Variants in SGPP2 observed in about 807,000 individuals in gnomAD.
SGPP2 encodes sphingosine-1-phosphate phosphatase 2, also known as sphingosine 1-phosphate phosphohydrolase 2.
SGPP2 carries 30 observed loss-of-function variants against 33.9 expected under a neutral mutation model. The observed-to-expected ratio is 0.89, with a 90% CI of 0.66 to 1.20. The LOEUF (loss-of-function observed/expected upper bound fraction) is 1.20. Among genes scored for constraint, SGPP2 ranks in the 50% most tolerant of loss-of-function variants. SGPP2 has a pLI of 0.00. For missense variants in SGPP2, 458 were observed against 532.1 expected, an observed-to-expected ratio of 0.86 and a Z score of 1.37; for synonymous variants, 233 against 225.0, an observed-to-expected ratio of 1.04 and a Z score of -0.32.
chr2:222,472,823 T>C (rs1697866306), intron 1 of SGPP2, among the ~76,000 whole-genome samples: 2 of 152,194 alleles, frequency 1.3e-5, no homozygotes. Flanking sequence ...GACATAAACC[T>C]GGCCAACTTG....
chr2:222,520,737 A>C (rs6758357), intron 2 of SGPP2, among the ~76,000 whole-genome samples: 14,394 of 140,308 alleles, frequency 0.1, 1,886 homozygotes, highest in African/African-American at 0.3. Flanking sequence ...AAAAAAAAAA[A>C]AAAAAAAACC....
At position 222,476,254 on chromosome 2, in the gene SGPP2, G is replaced by A. The variant is rs971743797; in HGVS notation, c.378+1528G>A. Among the ~76,000 whole-genome samples the A allele has an allele frequency of 1.8e-4, 27 of 152,072 alleles. No individual in the cohort carries two copies. The highest frequency in any genetic ancestry group is 6.0e-4 in the African/African-American group (25 of 41,392). On this transcript the variant is annotated intron_variant, in intron 2 of 4. Transcript: ENST00000321276. This position sits in a 1 kb window ranked among gnomAD's most constrained non-coding sequence, Gnocchi z 4.3. ...GGACTTGATCAGGGGTCATAAATTC[G>A]AATGTTCTCAGGGGCAGGGGACAGA...
rs1698688360 is a variant in SGPP2, at chr2:222,521,757, G to A, written c.379-10G>A. ...TTGATTAGACTTACCTCAGTCCTTT[G>A]GTTTTGCAGTTGGTGATGTATATTG... On this transcript the variant is annotated splice_polypyrimidine_tract_variant and intron_variant, in intron 2 of 4. Coordinates refer to ENST00000321276, the MANE Select transcript of SGPP2 (RefSeq NM_152386.4). 1 of 1,595,394 alleles carries A rather than the reference G, an allele frequency of 6.3e-7. No individual in the cohort carries two copies. Among genetic ancestry groups the A allele is most frequent in the Non-Finnish European group, 8.5e-7 (1 of 1,173,132 alleles).
intron 4 of SGPP2, among the ~76,000 whole-genome samples, chr2:222,528,584 T>A (rs1253408679): frequency 2.0e-5 from 3 of 152,070 alleles, no homozygotes; most frequent in African/African-American, 7.2e-5. Flanking sequence ...CGTAGGGTGG[T>A]CATTGCTGAA....
intron 1 of SGPP2, among the ~76,000 whole-genome samples, chr2:222,430,226 G>C (rs1482917779): frequency 6.6e-6 from 1 of 152,142 alleles, no homozygotes; most frequent in African/African-American, 2.4e-5. Flanking sequence ...GGCAAAAATG[G>C]GAGAAGCTCT....
chr2:222,445,133 A>T (rs1697380127), intron 1 of SGPP2, among the ~76,000 whole-genome samples: 1 of 152,162 alleles, frequency 6.6e-6, no homozygotes, highest in African/African-American at 2.4e-5. Flanking sequence ...TGTAAGGTGA[A>T]GATAGTAACT....
intron 2 of SGPP2, among the ~76,000 whole-genome samples, chr2:222,509,398 T>C (rs1698491727): frequency 6.6e-6 from 1 of 152,110 alleles, no homozygotes; most frequent in African/African-American, 2.4e-5. Flanking sequence ...CATATAATGA[T>C]ATACTAATTT....
intron 1 of SGPP2, 83 bp downstream of exon 1, chr2:222,424,904 C>T (rs1697037616): frequency 3.5e-6 from 4 of 1,146,052 alleles, no homozygotes; most frequent in Admixed American, 4.3e-5. Flanking sequence ...CACGCGGGGC[C>T]GGCCGGGCCG....
At chr2:222,542,319 A>C (rs922664722) in intron 4 of SGPP2, among the ~76,000 whole-genome samples, 2 of 152,120 alleles carry the variant, frequency 1.3e-5, no homozygotes, top group African/African-American at 4.8e-5. Flanking sequence ...TCTGCTATTG[A>C]TGCATATTTG....
At chr2:222,554,825 T>C (rs1316049937) in intron 4 of SGPP2, among the ~76,000 whole-genome samples, 1 of 152,182 alleles carries the variant, frequency 6.6e-6, no homozygotes, top group African/African-American at 2.4e-5. Context: ...AGCTTTTTAG[T>C]TTTTCTTTAC....
chr2:222,535,090 C>T (rs543606877), intron 4 of SGPP2, among the ~76,000 whole-genome samples: 7 of 135,050 alleles, frequency 5.2e-5, no homozygotes, highest in African/African-American at 2.0e-4. Flanking sequence ...CGCAGTGGCT[C>T]AAGCCTTTGG....
At chr2:222,548,612 C>T (rs1012021802) in intron 4 of SGPP2, among the ~76,000 whole-genome samples, 3 of 151,954 alleles carry the variant, frequency 2.0e-5, no homozygotes, top group African/African-American at 4.9e-5. Flanking sequence ...TCGTATCAGG[C>T]GATTCTACTG....
intron 1 of SGPP2, among the ~76,000 whole-genome samples, chr2:222,455,934 C>T (rs1418701310): frequency 6.6e-6 from 1 of 151,872 alleles, no homozygotes; most frequent in Non-Finnish European, 1.5e-5. Context: ...AAAATATTCC[C>T]CGGGTGTGGT....
intron 4 of SGPP2, among the ~76,000 whole-genome samples, chr2:222,546,174 T>C (rs1253178707): frequency 6.6e-6 from 1 of 151,588 alleles, no homozygotes; most frequent in African/African-American, 2.4e-5. Context: ...TGCTATGATT[T>C]ATTTGATTTT....
At chr2:222,498,467 A>G (rs935053957) in intron 2 of SGPP2, 1 of 152,150 alleles carries the variant, frequency 6.6e-6, no homozygotes, top group Admixed American at 6.6e-5. Context: ...GAAAACATTA[A>G]TTACTAAAGG....
chr2:222,488,968 G>A (rs1244019348), intron 2 of SGPP2, among the ~76,000 whole-genome samples: 2 of 152,196 alleles, frequency 1.3e-5, no homozygotes, highest in Non-Finnish European at 2.9e-5. Context: ...GGGGGTTGGG[G>A]AATGACATTC....
rs1469044527 is a variant in SGPP2, at chr2:222,477,063, G to GTGTATAGGTGTGTATATA, written c.378+2340_378+2341insATAGGTGTGTATATATGT. On this transcript the variant is annotated intron_variant, in intron 2 of 4. Coordinates refer to ENST00000321276, the MANE Select transcript of SGPP2 (RefSeq NM_152386.4). The surrounding 1 kb of genome is among the most constrained non-coding windows in gnomAD (Gnocchi z 6.0). ...TATGTGTGTATAGGTGTGTATATAT[G>GTGTATAGGTGTGTATATA]TGTGTTTATAGATATGTATATATTT... Among the ~76,000 whole-genome samples, 775 of 151,562 alleles carry GTGTATAGGTGTGTATATA rather than the reference G, an allele frequency of 5.1e-3. 7 individuals are homozygous for GTGTATAGGTGTGTATATA. The highest frequency in any genetic ancestry group is 0.017 in the African/African-American group (719 of 41,228).
At chr2:222,536,889 T>G (rs564207511) in intron 4 of SGPP2, among the ~76,000 whole-genome samples, 1 of 152,294 alleles carries the variant, frequency 6.6e-6, no homozygotes, top group African/African-American at 2.4e-5. Flanking sequence ...AGAAATGAAA[T>G]GATTTACTAT....
chr2:222,529,893 GT>G (rs1698814730), intron 4 of SGPP2, among the ~76,000 whole-genome samples: 1 of 152,160 alleles, frequency 6.6e-6, no homozygotes, highest in African/African-American at 2.4e-5. Flanking sequence ...TACAAAATGT[GT>G]TTCTTAAAAA....
Sources: allele counts gnomAD v4.1 joint callset (sites outside exome capture counted in the v4.1 genomes callset), GRCh38; gene constraint gnomAD v4.1.1; non-coding constraint Gnocchi (gnomAD v3.1); transcripts MANE v1.5; gene names NCBI Gene and HGNC (gene_info 2026-07-23, HGNC 2026-07-21).